Variants in PRR16 observed in about 807,000 individuals in gnomAD.
The protein encoded by PRR16 is proline rich 16, also known as protein Largen.
PRR16 carries 6 observed loss-of-function variants against 18.2 expected under a neutral mutation model. The observed-to-expected ratio is 0.33, with a 90% CI of 0.18 to 0.65. The LOEUF (loss-of-function observed/expected upper bound fraction) is 0.65, where lower values mean the gene tolerates loss of function less well. Among genes scored for constraint, PRR16 ranks in the 30% least tolerant of loss-of-function variants. The pLI, the probability that PRR16 is intolerant of heterozygous loss-of-function variation, is 0.74. For synonymous variants in PRR16, 151 were observed against 147.8 expected (o/e 1.02, Z -0.16); for missense variants, 412 against 376.6 (o/e 1.09, Z -0.78).
chr5:120,734,132 T>C, the PRR16 span, among the ~76,000 whole-genome samples: 2 of 152,202 alleles, frequency 1.3e-5, no homozygotes, highest in Non-Finnish European at 1.5e-5. Flanking sequence ...TCATTGCACA[T>C]GTGTTCATTC....
chr5:120,658,111 AT>A (rs1426240560), intron 1 of PRR16: 1 of 151,688 alleles, frequency 6.6e-6, no homozygotes, highest in Non-Finnish European at 1.5e-5. Context: ...ATATTAGTAG[AT>A]TTAAATTCAA....
At chr5:120,719,158 A>G in the PRR16 span, among the ~76,000 whole-genome samples, 1 of 152,084 alleles carries the variant, frequency 6.6e-6, no homozygotes, top group Non-Finnish European at 1.5e-5. Context: ...TCATTGTTAT[A>G]TACTTTTCTT....
chr5:120,740,207 T>C, the PRR16 span, among the ~76,000 whole-genome samples: 1 of 152,184 alleles, frequency 6.6e-6, no homozygotes, highest in Non-Finnish European at 1.5e-5. Flanking sequence ...CCCTGGTTCA[T>C]TTCTCTTCTC....
chr5:120,478,008 C>T (rs1178513230), intron 1 of PRR16, among the ~76,000 whole-genome samples: 1 of 152,164 alleles, frequency 6.6e-6, no homozygotes, highest in East Asian at 1.9e-4. Flanking sequence ...TATTTATATA[C>T]CGAACAATTT....
At chr5:120,652,104 C>T (rs1755810825) in intron 1 of PRR16, among the ~76,000 whole-genome samples, 1 of 151,978 alleles carries the variant, frequency 6.6e-6, no homozygotes, top group African/African-American at 2.4e-5. Flanking sequence ...CAAGTTCTTT[C>T]ACTTGGTTTT....
the PRR16 span, among the ~76,000 whole-genome samples, chr5:120,761,536 T>C: frequency 5.3e-5 from 8 of 152,308 alleles, no homozygotes; most frequent in East Asian, 1.5e-3. Context: ...TGCAAAATTA[T>C]ACATAAATCA....
chr5:120,705,880 C>G, the PRR16 span, among the ~76,000 whole-genome samples: 1 of 151,886 alleles, frequency 6.6e-6, no homozygotes, highest in Non-Finnish European at 1.5e-5. Flanking sequence ...ACAAGAGACC[C>G]TAAAAAATAT....
chr5:120,495,561 G>C (rs541681864), intron 1 of PRR16, among the ~76,000 whole-genome samples: 1 of 152,108 alleles, frequency 6.6e-6, no homozygotes, highest in East Asian at 1.9e-4. Flanking sequence ...TTTGGACTTT[G>C]TGGAATTTCT....
intron 1 of PRR16, among the ~76,000 whole-genome samples, chr5:120,598,067 A>T (rs1753869104): frequency 6.6e-6 from 1 of 151,906 alleles, no homozygotes; most frequent in Non-Finnish European, 1.5e-5. Context: ...AATATTGTCC[A>T]TGAAGATCTA....
At chr5:120,693,047 T>G in the PRR16 span, among the ~76,000 whole-genome samples, 1 of 152,166 alleles carries the variant, frequency 6.6e-6, no homozygotes, top group African/African-American at 2.4e-5. Flanking sequence ...CATACTTATC[T>G]CTCCAGAATA....
intron 1 of PRR16, among the ~76,000 whole-genome samples, chr5:120,531,813 T>C (rs1751560200): frequency 6.6e-6 from 1 of 152,132 alleles, no homozygotes; most frequent in South Asian, 2.1e-4. Context: ...GTACAATATA[T>C]GTAAATATGT....
the PRR16 span, among the ~76,000 whole-genome samples, chr5:120,774,296 C>G: frequency 6.6e-6 from 1 of 152,066 alleles, no homozygotes; most frequent in African/African-American, 2.4e-5. Flanking sequence ...TTGTGTTGTT[C>G]CCCCAAAACA....
At chr5:120,765,171 T>C in the PRR16 span, among the ~76,000 whole-genome samples, 1 of 152,032 alleles carries the variant, frequency 6.6e-6, no homozygotes, top group Non-Finnish European at 1.5e-5. Context: ...CTTTAAAATA[T>C]AAATAATGGG....
At chr5:120,593,476 C>G (rs1753704111) in intron 1 of PRR16, among the ~76,000 whole-genome samples, 1 of 151,478 alleles carries the variant, frequency 6.6e-6, no homozygotes, top group Non-Finnish European at 1.5e-5. Flanking sequence ...CTGAATAGAT[C>G]AGTAATGAGC....
At chr5:120,721,831 C>G in the PRR16 span, among the ~76,000 whole-genome samples, 2 of 151,996 alleles carry the variant, frequency 1.3e-5, no homozygotes, top group African/African-American at 2.4e-5. Context: ...GGTGCTTGCA[C>G]CAGATAGCCC....
intron 1 of PRR16, among the ~76,000 whole-genome samples, chr5:120,548,889 G>A (rs964073839): frequency 2.7e-5 from 4 of 147,734 alleles, no homozygotes; most frequent in African/African-American, 5.0e-5. Flanking sequence ...GAGTTTAAAC[G>A]CACTGATACC....
At chr5:120,765,008 G>T in the PRR16 span, among the ~76,000 whole-genome samples, 10 of 152,048 alleles carry the variant, frequency 6.6e-5, no homozygotes, top group African/African-American at 2.2e-4. Flanking sequence ...TACCTCCTGA[G>T]TGCTTTATTC....
At chr5:120,717,132 C>G in the PRR16 span, among the ~76,000 whole-genome samples, 3 of 152,054 alleles carry the variant, frequency 2.0e-5, no homozygotes, top group Non-Finnish European at 2.9e-5. Flanking sequence ...GAACATATTA[C>G]TAAAAAATGT....
At chr5:120,707,199 G>T in the PRR16 span, among the ~76,000 whole-genome samples, 1 of 152,172 alleles carries the variant, frequency 6.6e-6, no homozygotes, top group Admixed American at 6.5e-5. Flanking sequence ...AGGCCATCTT[G>T]TTCACCATTA....
Sources: gnomAD v4.1 joint callset for allele counts (sites outside exome capture counted in the v4.1 genomes callset) on GRCh38, gnomAD v4.1.1 for gene constraint, MANE v1.5 for transcripts, NCBI Gene and HGNC (gene_info 2026-07-23, HGNC 2026-07-21) for gene names.